HPS3: variants seen among roughly 807,000 people sequenced by gnomAD.
The protein encoded by HPS3 is HPS3 biogenesis of lysosomal organelles complex 2 subunit 1.
Under a neutral mutation model 110.9 loss-of-function variants are expected in HPS3, and 79 were observed. The observed-to-expected ratio is 0.71, with a 90% CI of 0.59 to 0.86. HPS3 has a LOEUF of 0.86. HPS3 is among the 40% of genes least tolerant of loss of function. HPS3 has a pLI of 0.00. For synonymous variants in HPS3, 428 were observed against 451.0 expected, an observed-to-expected ratio of 0.95 and a Z score of 0.65; for missense variants, 1,197 against 1,206.2, an observed-to-expected ratio of 0.99 and a Z score of 0.11.
intron 4 of HPS3, 33 bp from the exon 5 acceptor site, chr3:149,145,321 A>T (rs776988796): frequency 6.7e-7 from 1 of 1,486,026 alleles, no homozygotes; most frequent in Non-Finnish European, 9.4e-7. Context: ...TACTGGTTTC[A>T]TGGTGTTTTA....
intron 16 of HPS3, among the ~76,000 whole-genome samples, chr3:149,171,287 A>T (rs79233568): frequency 0.022 from 3,284 of 152,276 alleles, 53 homozygotes; most frequent in Middle Eastern, 0.041. Flanking sequence ...AAAAAAAAAA[A>T]ATATATTGTT....
Position 149,154,846 on chromosome 3 carries a change from A to G in HPS3, c.1401-261A>G, listed in dbSNP as rs544257909. On this transcript the variant is annotated intron_variant, in intron 7 of 16. Coordinates refer to ENST00000296051, the MANE Select transcript of HPS3 (RefSeq NM_032383.5). ...TGGGACTTGCCTGTTCTTTGAACTTACTGCTCATTTGAGAATACTTGCAGA... is the reference window on the plus strand; with the variant it reads ...TGGGACTTGCCTGTTCTTTGAACTTGCTGCTCATTTGAGAATACTTGCAGA... Among the ~76,000 whole-genome samples, 7 of 152,338 alleles carry G rather than the reference A, an allele frequency of 4.6e-5. No homozygotes were observed. The East Asian group carries it at 1.4e-3, about 29-fold the overall frequency.
chr3:149,152,528 GGACTCCACCA>G (rs1723195977), intron 6 of HPS3, among the ~76,000 whole-genome samples: 2 of 152,114 alleles, frequency 1.3e-5, no homozygotes, highest in South Asian at 4.2e-4. Context: ...TCCTTTCCTG[GGACTCCACCA>G]GTTCTGAAGC....
chr3:149,158,558 T>C lies in HPS3; in HGVS notation c.1692-108T>C, dbSNP rs891164391. Reference sequence around the variant, plus strand: ...ATCCCAGCACTTTGGGAGGCTGAGGTAGGATAATCACTTGAGGTCAGGAGT... The same window carrying C: ...ATCCCAGCACTTTGGGAGGCTGAGGCAGGATAATCACTTGAGGTCAGGAGT... On this transcript the variant is annotated intron_variant, in intron 9 of 16. Transcript: ENST00000296051. 4.5e-5 allele frequency: 48 copies of C among 1,055,728 alleles called. No homozygotes were observed. In the African/African-American group the frequency reaches 5.3e-4, roughly 12 times the overall value. 65.4% of individuals were successfully genotyped at this position (1,055,728 alleles called of 1,614,324 possible).
chr3:149,150,784 C>A, intron 6 of HPS3, 104 bp downstream of exon 6: 6 of 899,396 alleles, frequency 6.7e-6, no homozygotes, highest in Non-Finnish European at 1.1e-5. Flanking sequence ...AACAAAAGAG[C>A]TTAAGGTTGT....
intron 5 of HPS3, among the ~76,000 whole-genome samples, chr3:149,146,679 T>G (rs1722794374): frequency 6.6e-6 from 1 of 152,210 alleles, no homozygotes; most frequent in South Asian, 2.1e-4. Context: ...CACTCCCTTC[T>G]CCACCTGATT....
intron 1 of HPS3, among the ~76,000 whole-genome samples, chr3:149,136,830 T>G (rs984219097): frequency 3.9e-5 from 6 of 152,208 alleles, no homozygotes; most frequent in African/African-American, 1.4e-4. Flanking sequence ...AGTTAATATA[T>G]GAATTTTATA....
rs2108173648 is a variant in HPS3, at chr3:149,163,947, C to T, written c.2587C>T (p.Gln863Ter). 2 of 1,425,574 alleles carry T rather than the reference C, an allele frequency of 1.4e-6. No individual in the cohort carries two copies. The highest frequency in any genetic ancestry group is 9.9e-7 in the Non-Finnish European group (1 of 1,008,500). 88.3% of individuals were successfully genotyped at this position (1,425,574 alleles called of 1,614,324 possible). A position where few individuals can be genotyped will look rare whatever the true frequency, so the allele number is the denominator to read the frequency against. ...KNYTEDLSKL[Q>*]SLICGPSFDI... ...TTATACAGAAGATCTTTCAAAATTA[C>T]AGGTAAGTAAAAATACCTCCTTTTC... is the stretch of plus-strand genomic sequence containing the variant. Residue 863 changes from glutamine (Q) to a stop codon, truncating the protein, a stop_gained and splice_region_variant, in exon 14 of 17, where the codon CAG becomes TAG. Transcript: ENST00000296051. LOFTEE classifies it high-confidence loss of function.
chr3:149,159,886 T>C (rs1266245140), intron 10 of HPS3, among the ~76,000 whole-genome samples, 160 bp from the exon 11 acceptor site: 1 of 152,200 alleles, frequency 6.6e-6, no homozygotes, highest in Non-Finnish European at 1.5e-5. Flanking sequence ...CATGTATTAG[T>C]ATCAGTTTTT....
intron 8 of HPS3, among the ~76,000 whole-genome samples, chr3:149,155,600 T>G (rs1200780197): frequency 1.3e-5 from 2 of 152,200 alleles, no homozygotes; most frequent in Non-Finnish European, 2.9e-5. Context: ...TTAGAAATGT[T>G]AGCACATTGT....
intron 3 of HPS3, 24 bp downstream of exon 3, chr3:149,141,212 T>TTG: frequency 6.2e-7 from 1 of 1,605,406 alleles, no homozygotes; most frequent in Non-Finnish European, 8.5e-7. Context: ...TTTTTTTTTT[T>TTG]TACCAGCATT....
At chr3:149,138,378 A>G (rs540427761) in intron 1 of HPS3, among the ~76,000 whole-genome samples, 8 of 152,312 alleles carry the variant, frequency 5.3e-5, no homozygotes, top group African/African-American at 1.9e-4. Flanking sequence ...TGTTAATATA[A>G]TAGAGTCTAC....
At chr3:149,149,134 T>G (rs1314488987) in intron 5 of HPS3, among the ~76,000 whole-genome samples, 1 of 150,886 alleles carries the variant, frequency 6.6e-6, no homozygotes, top group Non-Finnish European at 1.5e-5. Context: ...TTTTTTTTTT[T>G]TTGTATTTTT....
chr3:149,169,554 C>T (rs1724772258), intron 16 of HPS3, among the ~76,000 whole-genome samples: 1 of 152,130 alleles, frequency 6.6e-6, no homozygotes, highest in Non-Finnish European at 1.5e-5. Context: ...GGGGGTTTCC[C>T]CTGTGCATTT....
chr3:149,159,950 G>A (rs1723684800), intron 10 of HPS3, 96 bp from the exon 11 acceptor site: 1 of 846,018 alleles, frequency 1.2e-6, no homozygotes, highest in Non-Finnish European at 2.1e-6. Flanking sequence ...TGGAATGTTT[G>A]TGTCTTGGCT....
intron 16 of HPS3, chr3:149,168,502 T>C (rs75407057): frequency 0.012 from 1,885 of 163,242 alleles, 43 homozygotes; most frequent in African/African-American, 0.043. Flanking sequence ...TCTATACTGC[T>C]GTGTGTTAAT....
chr3:149,140,092 T>C lies in HPS3; in HGVS notation c.306T>C (p.Ser102=). 6.2e-7 allele frequency: 1 copy of C among 1,613,272 alleles called. No individual in the cohort carries two copies. The highest frequency in any genetic ancestry group is 1.1e-5 in the South Asian group (1 of 90,922). Residue 102 remains serine (S), a synonymous_variant, in exon 2 of 17, where the codon TCT becomes TCC. Transcript: ENST00000296051. ...GGAGAAATAAAAGGACTGAAAACTC[T>C]CGTGTGTGTATCCGAATGATTGGGC... ...VNWRNKRTEN[S]RVCIRMIGHN...
intron 1 of HPS3, among the ~76,000 whole-genome samples, chr3:149,138,634 ACT>A (rs2108125888): frequency 6.6e-6 from 1 of 152,270 alleles, no homozygotes; most frequent in South Asian, 2.1e-4. Context: ...CAGAAAATAG[ACT>A]CTAAAACCAT....
chr3:149,159,923 T>C, intron 10 of HPS3, 123 bp from the exon 11 acceptor site: 1 of 733,474 alleles, frequency 1.4e-6, no homozygotes. Flanking sequence ...AACATAATAC[T>C]ATAATTTTAT....
Sources: allele counts gnomAD v4.1 joint callset (sites outside exome capture counted in the v4.1 genomes callset), GRCh38; gene constraint gnomAD v4.1.1; transcripts MANE v1.5; gene names NCBI Gene and HGNC (gene_info 2026-07-23, HGNC 2026-07-21).